Variants in TGFB2 observed in about 807,000 individuals in gnomAD.
TGFB2 encodes the protein transforming growth factor beta-2 proprotein.
A neutral mutation model predicts 42.7 loss-of-function variants in TGFB2; 13 were observed. The ratio of observed to expected loss-of-function variants is 0.30; its 90% CI spans 0.20 to 0.48. The LOEUF (loss-of-function observed/expected upper bound fraction) is 0.48. TGFB2 is among the 20% of genes least tolerant of loss of function. The probability of loss-of-function intolerance (pLI) is 0.99; values close to 1 mark genes in which losing one functional copy is unlikely to be tolerated. For missense variants in TGFB2, 390 were observed against 517.5 expected, an observed-to-expected ratio of 0.75 and a Z score of 2.39; for synonymous variants, 193 against 193.6, an observed-to-expected ratio of 1.00 and a Z score of 0.03.
chr1:218,403,833 A>G (rs1031908841), intron 1 of TGFB2, among the ~76,000 whole-genome samples: 33 of 152,304 alleles, frequency 2.2e-4, no homozygotes, highest in African/African-American at 6.7e-4. Context: ...GGTAGAAAGA[A>G]ATGGAGCCAC....
chr1:218,402,767 C>G (rs373259321), intron 1 of TGFB2, among the ~76,000 whole-genome samples: 1 of 152,192 alleles, frequency 6.6e-6, no homozygotes, highest in Admixed American at 6.5e-5. Context: ...AAATTAGCTT[C>G]TCTATTCCAG....
intron 1 of TGFB2, among the ~76,000 whole-genome samples, chr1:218,395,327 C>G (rs1304339631): frequency 1.3e-5 from 2 of 152,208 alleles, no homozygotes; most frequent in Non-Finnish European, 2.9e-5. Context: ...AATACTATGG[C>G]CTTGCATTAA....
chr1:218,428,972 C>CT (rs34950123), intron 2 of TGFB2, among the ~76,000 whole-genome samples: 17,896 of 95,870 alleles, frequency 0.19, 3,116 homozygotes, highest in East Asian at 0.47. Context: ...CCATGAGCAT[C>CT]TTTTTTTTTT....
intron 1 of TGFB2, among the ~76,000 whole-genome samples, chr1:218,350,759 G>A (rs1377146934): frequency 3.9e-5 from 6 of 152,142 alleles, no homozygotes; most frequent in Non-Finnish European, 8.8e-5. Flanking sequence ...CTTAAGTGAT[G>A]GTGTTGACCT....
intron 2 of TGFB2, among the ~76,000 whole-genome samples, chr1:218,415,079 C>T (rs756606066): frequency 3.9e-5 from 6 of 152,146 alleles, no homozygotes; most frequent in Non-Finnish European, 7.4e-5. Flanking sequence ...AACACTATTT[C>T]CACACCAGTA....
intron 1 of TGFB2, among the ~76,000 whole-genome samples, chr1:218,385,503 G>A (rs1368323026): frequency 6.6e-6 from 1 of 152,218 alleles, no homozygotes; most frequent in Non-Finnish European, 1.5e-5. Context: ...GCCATCCTTG[G>A]TGTATAAGCC....
intron 1 of TGFB2, among the ~76,000 whole-genome samples, chr1:218,364,983 C>T (rs768097457): frequency 3.3e-5 from 5 of 152,052 alleles, no homozygotes; most frequent in African/African-American, 7.2e-5. Flanking sequence ...GAAAGGAAAA[C>T]GGGAGGGAAT....
chr1:218,413,035 A>AGTGT (rs1337591274), intron 2 of TGFB2, among the ~76,000 whole-genome samples: 3 of 152,150 alleles, frequency 2.0e-5, no homozygotes, highest in Non-Finnish European at 4.4e-5. Context: ...TGGAGATTCA[A>AGTGT]GTGTGCAAAT....
intron 1 of TGFB2, among the ~76,000 whole-genome samples, chr1:218,394,685 A>G (rs1658438920): frequency 6.6e-6 from 1 of 152,144 alleles, no homozygotes; most frequent in Non-Finnish European, 1.5e-5. Context: ...TACATGTAAT[A>G]GGTGGGATGG....
At chr1:218,405,545 T>A (rs1212438028) in intron 2 of TGFB2, 1 of 751,896 alleles carries the variant, frequency 1.3e-6, no homozygotes, top group Non-Finnish European at 2.2e-6. Flanking sequence ...TTTAAAAAAC[T>A]TTTTTTAGAT....
intron 6 of TGFB2, among the ~76,000 whole-genome samples, chr1:218,440,786 T>A (rs1304361270): frequency 6.6e-6 from 1 of 152,168 alleles, no homozygotes; most frequent in Non-Finnish European, 1.5e-5. Context: ...GGGATTGAAA[T>A]GTATACTCAA....
intron 6 of TGFB2, among the ~76,000 whole-genome samples, chr1:218,437,912 A>G (rs907334152): frequency 3.3e-5 from 5 of 152,212 alleles, no homozygotes; most frequent in Non-Finnish European, 5.9e-5. Flanking sequence ...CATGTATACA[A>G]TGTGTAATGA....
chr1:218,436,742 G>T (rs1659983877), intron 5 of TGFB2, among the ~76,000 whole-genome samples: 1 of 152,194 alleles, frequency 6.6e-6, no homozygotes, highest in Admixed American at 6.5e-5. Flanking sequence ...GACAGGGAAG[G>T]GTCCTCACTG....
At chr1:218,379,125 TC>T (rs1571851791) in intron 1 of TGFB2, among the ~76,000 whole-genome samples, 2 of 88,990 alleles carry the variant, frequency 2.2e-5, no homozygotes, top group Non-Finnish European at 4.9e-5. Flanking sequence ...TTTCTTTCTT[TC>T]TTTCTTTTTT....
intron 2 of TGFB2, among the ~76,000 whole-genome samples, chr1:218,417,198 T>G (rs1429073009): frequency 6.6e-6 from 1 of 152,180 alleles, no homozygotes; most frequent in Non-Finnish European, 1.5e-5. Flanking sequence ...CCTAGAGACC[T>G]GTTGAATGGC....
At chr1:218,379,636 A>G (rs1657893293) in intron 1 of TGFB2, among the ~76,000 whole-genome samples, 1 of 152,072 alleles carries the variant, frequency 6.6e-6, no homozygotes, top group Non-Finnish European at 1.5e-5. Flanking sequence ...TTCTGAGGTT[A>G]AATACCTGGA....
At chr1:218,378,441 T>C (rs1387820131) in intron 1 of TGFB2, among the ~76,000 whole-genome samples, 1 of 152,050 alleles carries the variant, frequency 6.6e-6, no homozygotes, top group African/African-American at 2.4e-5. Context: ...CCTCCCAAAG[T>C]GCTGGGATTA....
chr1:218,424,150 A>G (rs1659545121), intron 2 of TGFB2, among the ~76,000 whole-genome samples: 1 of 152,222 alleles, frequency 6.6e-6, no homozygotes, highest in African/African-American at 2.4e-5. Flanking sequence ...TGTTGATTTC[A>G]GAAATGGCCA....
intron 1 of TGFB2, among the ~76,000 whole-genome samples, chr1:218,347,986 G>T (rs1442755220): frequency 1.3e-5 from 2 of 149,222 alleles, no homozygotes; most frequent in South Asian, 2.1e-4. Flanking sequence ...CTCAAAACCA[G>T]CTGGCATACA....
Sources: allele counts gnomAD v4.1 joint callset (sites outside exome capture counted in the v4.1 genomes callset), GRCh38; gene constraint gnomAD v4.1.1; transcripts MANE v1.5; gene names NCBI Gene and HGNC (gene_info 2026-07-23, HGNC 2026-07-21).